Variants in TBC1D22B observed in about 807,000 individuals in gnomAD.
TBC1D22B encodes chromosome 6 open reading frame 197.
In TBC1D22B, 32 loss-of-function variants were observed where a neutral mutation model predicts 69.1. The observed-to-expected ratio is 0.46, with a 90% confidence interval of 0.35 to 0.62. The LOEUF is 0.62. Ranked by LOEUF, TBC1D22B falls within the 20% of genes least tolerant of loss-of-function variation. TBC1D22B has a pLI of 0.00. For synonymous variants in TBC1D22B, 206 were observed against 229.8 expected, an observed-to-expected ratio of 0.90 and a Z score of 0.94; for missense variants, 462 against 630.9, an observed-to-expected ratio of 0.73 and a Z score of 2.87.
chr6:37,295,525 T>C, intron 8 of TBC1D22B: 1 of 346,910 alleles, frequency 2.9e-6, no homozygotes, highest in South Asian at 2.7e-5. Context: ...CAATAATTAC[T>C]GAAGTAATAA....
At chr6:37,317,787 T>C (rs1216434561) in intron 12 of TBC1D22B, among the ~76,000 whole-genome samples, 1 of 151,638 alleles carries the variant, frequency 6.6e-6, no homozygotes, top group Non-Finnish European at 1.5e-5. Context: ...CTGGGGAAGG[T>C]GAAGGAGCAA....
intron 1 of TBC1D22B, among the ~76,000 whole-genome samples, chr6:37,262,613 G>T (rs539168376): frequency 6.6e-6 from 1 of 152,336 alleles, no homozygotes; most frequent in Admixed American, 6.5e-5. Flanking sequence ...CAGCCTGTCT[G>T]GGCAGGTACA....
intron 10 of TBC1D22B, among the ~76,000 whole-genome samples, chr6:37,314,992 G>C (rs949059889): frequency 6.6e-6 from 1 of 152,010 alleles, no homozygotes; most frequent in Admixed American, 6.6e-5. Flanking sequence ...TAGCCCTCAC[G>C]TTTGGGCCCC....
chr6:37,281,845 C>T (rs1766840381), intron 3 of TBC1D22B, among the ~76,000 whole-genome samples: 1 of 152,178 alleles, frequency 6.6e-6, no homozygotes, highest in Non-Finnish European at 1.5e-5. Context: ...TTTAGAGTCA[C>T]CAAAAAAGTT....
chr6:37,311,600 G>A (rs1767912337), intron 8 of TBC1D22B, among the ~76,000 whole-genome samples: 3 of 152,158 alleles, frequency 2.0e-5, no homozygotes, highest in East Asian at 1.9e-4. Flanking sequence ...CTGAGCCTGG[G>A]AAGTCAAGGC....
At chr6:37,303,127 C>T (rs778239325) in intron 8 of TBC1D22B, among the ~76,000 whole-genome samples, 14 of 152,168 alleles carry the variant, frequency 9.2e-5, no homozygotes, top group Admixed American at 7.9e-4. Flanking sequence ...AACTTAATCT[C>T]GTGGGCACAC....
Position 37,331,280 on chromosome 6 carries a change from C to T in TBC1D22B, c.*108C>T, listed in dbSNP as rs1291175123. The T allele has an allele frequency of 1.7e-6, 2 of 1,173,036 alleles. No homozygotes were observed. The highest frequency in any genetic ancestry group is 1.2e-6 in the Non-Finnish European group (1 of 803,178). 72.7% of individuals were successfully genotyped at this position (1,173,036 alleles called of 1,614,324 possible). ...CCGGCCAGGAACCACTCCTGTTGTA[C>T]AAAGCTCACACCCACCGCCCAGGTC... On this transcript the variant is annotated 3_prime_UTR_variant, in exon 13 of 13. Coordinates refer to ENST00000373491, the MANE Select transcript of TBC1D22B (RefSeq NM_017772.4).
At chr6:37,277,463 CTTT>C (rs1163535035) in intron 2 of TBC1D22B, among the ~76,000 whole-genome samples, 3 of 133,972 alleles carry the variant, frequency 2.2e-5, no homozygotes, top group Admixed American at 7.5e-5. Context: ...TCCTATAGTT[CTTT>C]TTTTTTTTTT....
At chr6:37,273,004 G>A (rs1481489143) in intron 2 of TBC1D22B, among the ~76,000 whole-genome samples, 1 of 152,034 alleles carries the variant, frequency 6.6e-6, no homozygotes, top group Non-Finnish European at 1.5e-5. Flanking sequence ...CATTGGTTCT[G>A]GCCAATCAAA....
intron 8 of TBC1D22B, among the ~76,000 whole-genome samples, chr6:37,298,568 C>T (rs1405476639): frequency 5.6e-5 from 5 of 89,764 alleles, no homozygotes; most frequent in African/African-American, 5.3e-5. Flanking sequence ...TTTTTTGAGA[C>T]GGAGTCTTGC....
chr6:37,310,627 C>T (rs1767880845), intron 8 of TBC1D22B, among the ~76,000 whole-genome samples: 1 of 152,112 alleles, frequency 6.6e-6, no homozygotes, highest in South Asian at 2.1e-4. Context: ...GAGATCGTGC[C>T]ATTGCACTCC....
chr6:37,319,987 A>G (rs1339676951), intron 12 of TBC1D22B, among the ~76,000 whole-genome samples: 1 of 152,224 alleles, frequency 6.6e-6, no homozygotes, highest in African/African-American at 2.4e-5. Context: ...GGTATTGTAA[A>G]AAACCAAACA....
intron 1 of TBC1D22B, among the ~76,000 whole-genome samples, chr6:37,262,031 C>CT (rs142500151): frequency 1.0e-4 from 9 of 88,088 alleles, no homozygotes; most frequent in African/African-American, 3.7e-4. Context: ...AAAAAATCAC[C>CT]TTTTTTTTTT....
chr6:37,330,090 G>A (rs755877591), intron 12 of TBC1D22B, among the ~76,000 whole-genome samples: 11 of 152,120 alleles, frequency 7.2e-5, no homozygotes, highest in Non-Finnish European at 1.2e-4. Context: ...TAGTGCGTTA[G>A]CTATTCACAT....
intron 8 of TBC1D22B, among the ~76,000 whole-genome samples, chr6:37,298,170 A>G (rs191612681): frequency 1.3e-5 from 2 of 152,280 alleles, no homozygotes; most frequent in East Asian, 1.9e-4. Flanking sequence ...CGTCCTACAC[A>G]TGTATCCCAG....
At chr6:37,270,400 G>A (rs1347363732) in intron 2 of TBC1D22B, among the ~76,000 whole-genome samples, 3 of 152,108 alleles carry the variant, frequency 2.0e-5, no homozygotes, top group African/African-American at 7.2e-5. Context: ...GCAGTGAGCC[G>A]AGATCATGCC....
Position 37,327,277 on chromosome 6 carries a change from G to A in TBC1D22B, c.1390-3767G>A, listed in dbSNP as rs912298463. ...GCGGATCACGAGGTCAGGAGATCGA[G>A]ACCATCCTGGCTAACACGGTGAAAC... is the stretch of plus-strand genomic sequence containing the variant. On this transcript the variant is annotated intron_variant, in intron 12 of 12. Coordinates refer to ENST00000373491, the MANE Select transcript of TBC1D22B (RefSeq NM_017772.4). Among the ~76,000 whole-genome samples the A allele has an allele frequency of 1.1e-4, 16 of 140,206 alleles. 3 individuals carry two copies. The highest frequency in any genetic ancestry group is 6.1e-5 in the Non-Finnish European group (4 of 65,874). The allele number at this position is 140,206 out of a possible 152,430, so 92.0% of individuals were successfully genotyped here.
chr6:37,285,912 G>A (rs935021771), intron 6 of TBC1D22B, among the ~76,000 whole-genome samples: 1 of 152,198 alleles, frequency 6.6e-6, no homozygotes, highest in South Asian at 2.1e-4. Context: ...GTGAGCCATC[G>A]CCCTGGCCCT....
chr6:37,304,697 T>C (rs1767657704), intron 8 of TBC1D22B, among the ~76,000 whole-genome samples: 1 of 149,998 alleles, frequency 6.7e-6, no homozygotes, highest in Non-Finnish European at 1.5e-5. Flanking sequence ...GATGGGGGCA[T>C]TTTTTTTTTA....
Sources: allele counts gnomAD v4.1 joint callset (sites outside exome capture counted in the v4.1 genomes callset), GRCh38; gene constraint gnomAD v4.1.1; transcripts MANE v1.5; gene names NCBI Gene and HGNC (gene_info 2026-07-23, HGNC 2026-07-21).